Variants in KCTD8 observed in about 807,000 individuals in gnomAD.
KCTD8 encodes the protein BTB/POZ domain-containing protein KCTD8.
KCTD8 carries 27 observed loss-of-function variants against 31.5 expected under a neutral mutation model. The observed-to-expected ratio is 0.86, with a 90% CI of 0.63 to 1.18. The LOEUF (loss-of-function observed/expected upper bound fraction) is 1.18, where lower values mean the gene tolerates loss of function less well. KCTD8 is among the 50% of genes most tolerant of loss of function. KCTD8 has a pLI of 0.00. For missense variants in KCTD8, 658 were observed against 647.7 expected (o/e 1.02, Z -0.17); for synonymous variants, 290 against 280.0 (o/e 1.04, Z -0.36).
In KCTD8 at chr4:44,330,057, G is replaced by GA. The variant is rs202113088; in HGVS notation, c.961+117505dup. 8.0e-3 allele frequency among the ~76,000 whole-genome samples: 1,214 copies of GA among 151,334 alleles called. 7 individuals are homozygous for GA. The highest frequency in any genetic ancestry group is 0.012 in the African/African-American group (487 of 41,336). ...TATATAGAAAAGCCCCATCAATTCA[G>GA]AAAAAAAATGCAATGAACATGTCAG... On this transcript the variant is annotated intron_variant, in intron 1 of 1. Transcript: ENST00000360029.
At chr4:44,266,057 T>A (rs1211885947) in intron 1 of KCTD8, among the ~76,000 whole-genome samples, 6 of 151,888 alleles carry the variant, frequency 4.0e-5, no homozygotes, top group Non-Finnish European at 8.8e-5. Flanking sequence ...ACCAAGATAC[T>A]CCTCGAGAAG....
chr4:44,367,558 T>C (rs1487069752), intron 1 of KCTD8, among the ~76,000 whole-genome samples: 1 of 152,156 alleles, frequency 6.6e-6, no homozygotes, highest in Admixed American at 6.5e-5. Context: ...GAGTAAAAGG[T>C]ATTTCCTCTT....
intron 1 of KCTD8, among the ~76,000 whole-genome samples, chr4:44,358,941 CAT>C (rs1719427652): frequency 1.3e-5 from 2 of 152,186 alleles, no homozygotes; most frequent in East Asian, 1.9e-4. Flanking sequence ...AGCTTTTTTT[CAT>C]ATGTTTGCTG....
intron 1 of KCTD8, among the ~76,000 whole-genome samples, chr4:44,211,498 G>A (rs886410398): frequency 2.0e-5 from 3 of 152,206 alleles, no homozygotes; most frequent in Non-Finnish European, 4.4e-5. Context: ...ATTGTTGTGA[G>A]TTGCTATAGT....
At chr4:44,437,823 T>C (rs376618825) in intron 1 of KCTD8, among the ~76,000 whole-genome samples, 6 of 152,244 alleles carry the variant, frequency 3.9e-5, no homozygotes, top group African/African-American at 1.4e-4. Context: ...AAAACAAATC[T>C]ACACAGTGAT....
chr4:44,295,433 C>T (rs1286196057), intron 1 of KCTD8, among the ~76,000 whole-genome samples: 1 of 152,008 alleles, frequency 6.6e-6, no homozygotes, highest in African/African-American at 2.4e-5. Flanking sequence ...CCAAGAGAGC[C>T]CCTTTTTCAG....
rs956139171 is a variant in KCTD8 at position 44,233,355 on chromosome 4, G to A, written c.962-58105C>T. Among the ~76,000 whole-genome samples, 4 of 152,178 alleles carry A rather than the reference G, an allele frequency of 2.6e-5. No homozygotes were observed. In the East Asian group the frequency reaches 5.8e-4, roughly 22 times the overall value. ...CTTGTCTCTCACTTCAATTTAGAGC[G>A]TTTCCGTTTCTGTGAATCTAATAAT... On this transcript the variant is annotated intron_variant, in intron 1 of 1. Coordinates refer to ENST00000360029, the MANE Select transcript of KCTD8 (RefSeq NM_198353.3).
At chr4:44,401,520 T>C (rs1172432449) in intron 1 of KCTD8, among the ~76,000 whole-genome samples, 1 of 152,102 alleles carries the variant, frequency 6.6e-6, no homozygotes, top group Non-Finnish European at 1.5e-5. Context: ...AATCAAGTCA[T>C]AGTAAGGGTA....
At chr4:44,193,175 A>G (rs1320095019) in intron 1 of KCTD8, among the ~76,000 whole-genome samples, 1 of 152,204 alleles carries the variant, frequency 6.6e-6, no homozygotes, top group East Asian at 1.9e-4. Context: ...TTATATTTTA[A>G]CAAGTAAAGT....
intron 1 of KCTD8, among the ~76,000 whole-genome samples, chr4:44,340,465 AT>A (rs781054339): frequency 0.016 from 2,241 of 137,492 alleles, 8 homozygotes; most frequent in Non-Finnish European, 0.024. Context: ...TGCCTGGCTA[AT>A]TTTTTTTTTT....
At chr4:44,250,788 C>T (rs1245159330) in intron 1 of KCTD8, among the ~76,000 whole-genome samples, 2 of 151,610 alleles carry the variant, frequency 1.3e-5, no homozygotes, top group African/African-American at 4.8e-5. Flanking sequence ...GCAGAGGTTT[C>T]TTTATGTATT....
At chr4:44,405,402 C>T (rs1025852571) in intron 1 of KCTD8, among the ~76,000 whole-genome samples, 1 of 151,962 alleles carries the variant, frequency 6.6e-6, no homozygotes, top group East Asian at 1.9e-4. Context: ...GGACTGCAGG[C>T]ACGTGCTTAC....
At chr4:44,216,339 T>A (rs1714650839) in intron 1 of KCTD8, among the ~76,000 whole-genome samples, 1 of 152,120 alleles carries the variant, frequency 6.6e-6, no homozygotes, top group South Asian at 2.1e-4. Context: ...TTACTAGGTT[T>A]TGCTGGGATT....
At chr4:44,267,956 C>T (rs938347935) in intron 1 of KCTD8, among the ~76,000 whole-genome samples, 4 of 152,118 alleles carry the variant, frequency 2.6e-5, no homozygotes, top group Non-Finnish European at 4.4e-5. Context: ...CAGAATTCCA[C>T]CAGAGGTACA....
chr4:44,326,115 TG>T (rs1718437711), intron 1 of KCTD8, among the ~76,000 whole-genome samples: 1 of 151,936 alleles, frequency 6.6e-6, no homozygotes, highest in Non-Finnish European at 1.5e-5. Context: ...TTCACAACCT[TG>T]TGTTTTTTCA....
chr4:44,434,633 A>G (rs1304473981), intron 1 of KCTD8, among the ~76,000 whole-genome samples: 1 of 151,968 alleles, frequency 6.6e-6, no homozygotes, highest in Non-Finnish European at 1.5e-5. Context: ...TTTAATGAGC[A>G]TGGAGAGCAA....
intron 1 of KCTD8, among the ~76,000 whole-genome samples, chr4:44,283,084 G>A (rs1455475629): frequency 6.7e-6 from 1 of 148,894 alleles, no homozygotes; most frequent in Non-Finnish European, 1.5e-5. Context: ...TTGAGACAGA[G>A]TCTTGCTCTG....
At chr4:44,413,017 C>T (rs933126169) in intron 1 of KCTD8, among the ~76,000 whole-genome samples, 21 of 152,060 alleles carry the variant, frequency 1.4e-4, no homozygotes, top group Non-Finnish European at 3.1e-4. Flanking sequence ...ATATATAATG[C>T]TATAAAATAT....
chr4:44,399,054 G>T (rs1346521592), intron 1 of KCTD8, among the ~76,000 whole-genome samples: 1 of 152,142 alleles, frequency 6.6e-6, no homozygotes, highest in African/African-American at 2.4e-5. Flanking sequence ...AGAATTAAAA[G>T]TAACCCACAA....
Sources: allele counts gnomAD v4.1 joint callset (sites outside exome capture counted in the v4.1 genomes callset), GRCh38; gene constraint gnomAD v4.1.1; transcripts MANE v1.5; gene names NCBI Gene and HGNC (gene_info 2026-07-23, HGNC 2026-07-21).